Variants in TACR1 observed in about 807,000 individuals in gnomAD.
TACR1 encodes substance-P receptor.
A neutral mutation model predicts 35.8 loss-of-function variants in TACR1; 25 were observed. The ratio of observed to expected loss-of-function variants is 0.70; its 90% CI spans 0.51 to 0.98. The LOEUF is 0.98. Ranked by LOEUF, TACR1 falls within the 50% of genes least tolerant of loss-of-function variation. The pLI is 0.00. For synonymous variants in TACR1, 195 were observed against 206.7 expected, an observed-to-expected ratio of 0.94 and a Z score of 0.48; for missense variants, 478 against 522.9, an observed-to-expected ratio of 0.91 and a Z score of 0.84.
chr2:75,093,523 T>C (rs1189685635), intron 2 of TACR1, among the ~76,000 whole-genome samples: 1 of 152,146 alleles, frequency 6.6e-6, no homozygotes, highest in Admixed American at 6.5e-5. Context: ...TGGGTGAGCA[T>C]TGAGGACAAA....
intron 1 of TACR1, among the ~76,000 whole-genome samples, chr2:75,168,659 G>A (rs537009811): frequency 1.7e-4 from 26 of 152,174 alleles, no homozygotes; most frequent in African/African-American, 3.9e-4. Flanking sequence ...AAGACAATAC[G>A]TTTGGGTTGT....
chr2:75,083,135 T>A (rs555075892), intron 2 of TACR1, among the ~76,000 whole-genome samples: 1 of 152,384 alleles, frequency 6.6e-6, no homozygotes, highest in Middle Eastern at 3.4e-3. Context: ...GTTTCAGTTT[T>A]CTACATATGG....
intron 1 of TACR1, among the ~76,000 whole-genome samples, chr2:75,128,137 A>C (rs995798246): frequency 6.6e-6 from 1 of 152,250 alleles, no homozygotes; most frequent in Non-Finnish European, 1.5e-5. Context: ...TGGATGTGCC[A>C]GCTGATGTTT....
chr2:75,110,562 G>C (rs1474199306), intron 2 of TACR1, among the ~76,000 whole-genome samples: 1 of 151,232 alleles, frequency 6.6e-6, no homozygotes, highest in Non-Finnish European at 1.5e-5. Context: ...ACATACAAGG[G>C]GCACTAACTG....
chr2:75,112,712 A>G (rs1415768676), intron 2 of TACR1, among the ~76,000 whole-genome samples: 2 of 152,052 alleles, frequency 1.3e-5, no homozygotes, highest in Non-Finnish European at 2.9e-5. Flanking sequence ...TTTTTTCTTC[A>G]ACACTACATT....
intron 1 of TACR1, among the ~76,000 whole-genome samples, chr2:75,182,992 G>C (rs909015818): frequency 6.6e-6 from 1 of 152,142 alleles, no homozygotes; most frequent in Admixed American, 6.5e-5. Context: ...CCAATTGACT[G>C]TAAGCTCCTG....
chr2:75,095,846 C>G lies in TACR1; in HGVS notation c.584+24728G>C, dbSNP rs552831801. ...CCTTCTGTGTGCCCTTCTAGATGCT[C>G]CAGGTGGTACAGCTACAAGATGGCA... On this transcript the variant is annotated intron_variant, in intron 2 of 4. Coordinates refer to ENST00000305249, the MANE Select transcript of TACR1 (RefSeq NM_001058.4). Among the ~76,000 whole-genome samples the G allele has an allele frequency of 3.3e-5, 5 of 152,238 alleles. No homozygotes were observed. In the South Asian group the frequency reaches 1.0e-3, roughly 32 times the overall value.
chr2:75,124,322 G>T (rs1674030302), intron 1 of TACR1, among the ~76,000 whole-genome samples: 2 of 152,238 alleles, frequency 1.3e-5, no homozygotes, highest in South Asian at 4.1e-4. Context: ...ACAAGCGGCA[G>T]TATCTTCATA....
intron 4 of TACR1, 183 bp downstream of exon 4, chr2:75,051,068 G>A (rs201914096): frequency 2.4e-4 from 173 of 708,268 alleles, no homozygotes; most frequent in East Asian, 5.9e-4. Flanking sequence ...AGTCCACTCC[G>A]GGCTCCCATT....
At chr2:75,104,396 T>G (rs772016811) in intron 2 of TACR1, among the ~76,000 whole-genome samples, 13 of 151,996 alleles carry the variant, frequency 8.6e-5, no homozygotes, top group Non-Finnish European at 1.8e-4. Flanking sequence ...AAATATTAAT[T>G]TAATGGGTCT....
chr2:75,173,162 C>A (rs1675331743), intron 1 of TACR1, among the ~76,000 whole-genome samples: 1 of 152,084 alleles, frequency 6.6e-6, no homozygotes, highest in South Asian at 2.1e-4. Flanking sequence ...AGGTGCAACT[C>A]CAGGTAAGGG....
At chr2:75,180,097 G>A (rs563606356) in intron 1 of TACR1, among the ~76,000 whole-genome samples, 136 of 152,182 alleles carry the variant, frequency 8.9e-4, no homozygotes, top group African/African-American at 3.1e-3. Context: ...ATCATCACAT[G>A]GCAGGTTCCA....
intron 1 of TACR1, among the ~76,000 whole-genome samples, chr2:75,134,973 A>G (rs1674250444): frequency 6.6e-6 from 1 of 152,222 alleles, no homozygotes; most frequent in African/African-American, 2.4e-5. Context: ...AAAGGAATAC[A>G]TGAAAGTTGC....
intron 2 of TACR1, among the ~76,000 whole-genome samples, chr2:75,069,672 G>T (rs1352536297): frequency 6.6e-6 from 1 of 152,054 alleles, no homozygotes; most frequent in Admixed American, 6.6e-5. Flanking sequence ...CCTTGTTTTT[G>T]ATAACATTGA....
chr2:75,070,655 T>C (rs1672860318), intron 2 of TACR1, among the ~76,000 whole-genome samples: 1 of 152,252 alleles, frequency 6.6e-6, no homozygotes, highest in Non-Finnish European at 1.5e-5. Flanking sequence ...TGGGTAAATT[T>C]CATGGGTTCA....
chr2:75,195,653 G>A (rs982796187), intron 1 of TACR1, among the ~76,000 whole-genome samples: 1 of 151,700 alleles, frequency 6.6e-6, no homozygotes, highest in South Asian at 2.1e-4. Context: ...TACTTATTGG[G>A]ATCTATCTTA....
At chr2:75,066,986 A>G (rs547686537) in intron 2 of TACR1, among the ~76,000 whole-genome samples, 1 of 152,238 alleles carries the variant, frequency 6.6e-6, no homozygotes, top group Non-Finnish European at 1.5e-5. Context: ...TACAAAAAAA[A>G]GGTCTTTATT....
At chr2:75,079,217 C>T (rs1193115736) in intron 2 of TACR1, among the ~76,000 whole-genome samples, 5 of 152,142 alleles carry the variant, frequency 3.3e-5, no homozygotes, top group Non-Finnish European at 7.4e-5. Flanking sequence ...TTCCATGTGA[C>T]AGCTTTTCAC....
In TACR1 at chr2:75,089,201, T is replaced by C. The variant is rs953716697; in HGVS notation, c.584+31373A>G. ...AGATCATAGCTGTCATGACCTTATA[T>C]AGTAGGTACAGAATGACTTGCCTTT... On this transcript the variant is annotated intron_variant, in intron 2 of 4. Coordinates refer to ENST00000305249, the MANE Select transcript of TACR1 (RefSeq NM_001058.4). 2.0e-5 allele frequency among the ~76,000 whole-genome samples: 3 copies of C among 152,326 alleles called. No homozygotes were observed. In the South Asian group the frequency reaches 6.2e-4, roughly 32 times the overall value.
Sources: allele counts gnomAD v4.1 joint callset (sites outside exome capture counted in the v4.1 genomes callset), GRCh38; gene constraint gnomAD v4.1.1; transcripts MANE v1.5; gene names NCBI Gene and HGNC (gene_info 2026-07-23, HGNC 2026-07-21).